The following DDX10 variants were observed in gnomAD, a reference collection of about 807,000 sequenced individuals.
DDX10 encodes the protein DEAD-box helicase 10.
A neutral mutation model predicts 104.3 loss-of-function variants in DDX10; 74 were observed. That is an observed-to-expected ratio of 0.71 (90% CI 0.59 to 0.86). The LOEUF is 0.86. DDX10 is among the 40% of genes least tolerant of loss of function. DDX10 has a pLI of 0.00. For synonymous variants in DDX10, 351 were observed against 353.4 expected, an observed-to-expected ratio of 0.99 and a Z score of 0.08; for missense variants, 952 against 1,040.0, an observed-to-expected ratio of 0.92 and a Z score of 1.16.
chr11:108,863,863 G>A (rs1356255632), intron 16 of DDX10, among the ~76,000 whole-genome samples: 5 of 152,158 alleles, frequency 3.3e-5, no homozygotes, highest in Admixed American at 3.3e-4. Flanking sequence ...CATCAGTAAT[G>A]CTAGATCAGA....
chr11:108,838,862 A>G (rs999299008), intron 14 of DDX10, among the ~76,000 whole-genome samples: 1 of 152,206 alleles, frequency 6.6e-6, no homozygotes, highest in African/African-American at 2.4e-5. Flanking sequence ...ATTATGTTCT[A>G]TGGAACAGAC....
Position 108,711,623 on chromosome 11 carries a change from G to A in DDX10, c.1323-4256G>A, listed in dbSNP as rs150104664. On this transcript the variant is annotated intron_variant, in intron 10 of 17. Coordinates refer to ENST00000322536, the MANE Select transcript of DDX10 (RefSeq NM_004398.4). ...ACTGAGATTACAGGTGTGAGCCATT[G>A]TGCCTGGCCTCTGTTATTTCTAGTT... Among the ~76,000 whole-genome samples the A allele has an allele frequency of 1.3e-3, 191 of 152,318 alleles. 1 individual carries two copies. The highest frequency in any genetic ancestry group is 4.1e-3 in the African/African-American group (171 of 41,580).
chr11:108,852,645 T>C (rs1225397344), intron 16 of DDX10, among the ~76,000 whole-genome samples: 1 of 152,228 alleles, frequency 6.6e-6, no homozygotes, highest in Non-Finnish European at 1.5e-5. Flanking sequence ...TCTTAGAATC[T>C]AGGAGAAAAG....
intron 16 of DDX10, among the ~76,000 whole-genome samples, chr11:108,895,761 C>T (rs544412057): frequency 5.3e-5 from 8 of 152,120 alleles, no homozygotes; most frequent in African/African-American, 9.6e-5. Context: ...ATTTTAATAG[C>T]GTAGATGCCC....
chr11:108,796,107 G>A (rs576003724), intron 13 of DDX10, among the ~76,000 whole-genome samples: 46 of 152,220 alleles, frequency 3.0e-4, no homozygotes, highest in African/African-American at 1.0e-3. Flanking sequence ...GCTGTTAATA[G>A]TATTTCTTTA....
At chr11:108,835,835 TG>T (rs988613375) in intron 13 of DDX10, among the ~76,000 whole-genome samples, 1 of 130,040 alleles carries the variant, frequency 7.7e-6, no homozygotes, top group African/African-American at 2.9e-5. Flanking sequence ...TGAGGCGTGG[TG>T]GGGGGTGGGG....
At chr11:108,677,419 C>T (rs2094227191) in intron 4 of DDX10, among the ~76,000 whole-genome samples, 176 bp downstream of exon 4, 1 of 152,014 alleles carries the variant, frequency 6.6e-6, no homozygotes, top group Non-Finnish European at 1.5e-5. Flanking sequence ...GCCAATTTTG[C>T]AGGCCCAGAA....
chr11:108,681,610 A>G (rs573257092), intron 6 of DDX10, among the ~76,000 whole-genome samples: 9 of 152,344 alleles, frequency 5.9e-5, no homozygotes, highest in African/African-American at 2.2e-4. Flanking sequence ...ACAACAACTA[A>G]AGAAAAATTA....
chr11:108,910,666 C>G (rs1194536772), intron 16 of DDX10, among the ~76,000 whole-genome samples: 1 of 151,748 alleles, frequency 6.6e-6, no homozygotes, highest in Non-Finnish European at 1.5e-5. Context: ...TGACACTGAT[C>G]TCTTCATGTG....
chr11:108,792,922 A>G (rs1343631903), intron 13 of DDX10, among the ~76,000 whole-genome samples: 1 of 152,148 alleles, frequency 6.6e-6, no homozygotes, highest in East Asian at 1.9e-4. Context: ...AGTTGTTTTC[A>G]TTGTATGTGT....
intron 13 of DDX10, among the ~76,000 whole-genome samples, chr11:108,808,001 A>G (rs1417677021): frequency 6.6e-6 from 1 of 152,210 alleles, no homozygotes; most frequent in African/African-American, 2.4e-5. Flanking sequence ...TAGATACGTC[A>G]GGTAACACAG....
intron 17 of DDX10, among the ~76,000 whole-genome samples, chr11:108,934,625 C>T (rs918724183): frequency 1.3e-5 from 2 of 152,074 alleles, no homozygotes; most frequent in Admixed American, 1.3e-4. Flanking sequence ...TGTAGTCAAC[C>T]TTTAAGTATT....
intron 13 of DDX10, among the ~76,000 whole-genome samples, chr11:108,734,060 A>ACCCACTGAC (rs1332302220): frequency 6.6e-6 from 1 of 151,224 alleles, no homozygotes; most frequent in East Asian, 2.0e-4. Context: ...TACTTCTTCA[A>ACCCACTGAC]CCCACTGACC....
intron 15 of DDX10, among the ~76,000 whole-genome samples, chr11:108,846,183 C>T (rs192862880): frequency 2.2e-3 from 333 of 152,126 alleles, no homozygotes; most frequent in Middle Eastern, 6.8e-3. Context: ...TGAGATATGT[C>T]ATTACATGTA....
At chr11:108,677,337 A>C in intron 4 of DDX10, 94 bp downstream of exon 4, 1 of 1,180,932 alleles carries the variant, frequency 8.5e-7, no homozygotes, top group Non-Finnish European at 1.2e-6. Flanking sequence ...CTTCATCTAA[A>C]CAGACTGACC....
chr11:108,888,063 G>A (rs1400163777), intron 16 of DDX10, among the ~76,000 whole-genome samples: 2 of 151,902 alleles, frequency 1.3e-5, no homozygotes, highest in Non-Finnish European at 2.9e-5. Context: ...ATGCTTATGA[G>A]CCGTATTTTT....
At chr11:108,877,345 G>C (rs769092010) in intron 16 of DDX10, among the ~76,000 whole-genome samples, 1 of 152,096 alleles carries the variant, frequency 6.6e-6, no homozygotes, top group Non-Finnish European at 1.5e-5. Context: ...AAAACATCTA[G>C]TAAGTTGTGT....
intron 17 of DDX10, among the ~76,000 whole-genome samples, chr11:108,924,716 C>T (rs1863885920): frequency 6.6e-6 from 1 of 152,128 alleles, no homozygotes; most frequent in Admixed American, 6.5e-5. Flanking sequence ...ATAAGTTTTG[C>T]TCAGTACCTA....
intron 13 of DDX10, among the ~76,000 whole-genome samples, chr11:108,766,993 T>C (rs2094357148): frequency 1.3e-5 from 2 of 152,204 alleles, no homozygotes; most frequent in South Asian, 2.1e-4. Context: ...AATTGATGTC[T>C]TTTAAGTGGT....
Sources: gnomAD v4.1 joint callset for allele counts (sites outside exome capture counted in the v4.1 genomes callset) on GRCh38, gnomAD v4.1.1 for gene constraint, MANE v1.5 for transcripts, NCBI Gene and HGNC (gene_info 2026-07-23, HGNC 2026-07-21) for gene names.